LYZL2: variants seen among roughly 807,000 people sequenced by gnomAD.
LYZL2 encodes lysozyme like 2.
Under a neutral mutation model 17.1 loss-of-function variants are expected in LYZL2, and 13 were observed. The ratio of observed to expected loss-of-function variants is 0.76; its 90% CI spans 0.49 to 1.21. The LOEUF (loss-of-function observed/expected upper bound fraction) is 1.21. Among genes scored for constraint, LYZL2 ranks in the 50% most tolerant of loss-of-function variants. The pLI is 0.00. For synonymous variants in LYZL2, 63 were observed against 74.4 expected (o/e 0.85, Z 0.79); for missense variants, 166 against 189.2 (o/e 0.88, Z 0.72).
In LYZL2 at chr10:30,626,939, A is replaced by G. The variant is rs1435772553; in HGVS notation, c.-24T>C. On this transcript the variant is annotated splice_region_variant and 5_prime_UTR_variant, in exon 2 of 5. Coordinates refer to ENST00000647634, the MANE Select transcript of LYZL2 (RefSeq NM_183058.3). ...ATCCTCAAAGCCTGCCGGAGACAGA[A>G]CCTGCCAAAGAGCCGGAGAACAGGT... The G allele has an allele frequency of 1.2e-6, 2 of 1,612,636 alleles. No homozygotes were observed. Among genetic ancestry groups the G allele is most frequent in the African/African-American group, 1.3e-5 (1 of 74,934 alleles).
chr10:30,620,629 G>A lies in LYZL2; in HGVS notation c.298+5476C>T, dbSNP rs190333311. 3.0e-3 allele frequency among the ~76,000 whole-genome samples: 456 copies of A among 152,284 alleles called. 2 individuals are homozygous for A. Among genetic ancestry groups the A allele is most frequent in the African/African-American group, 0.01 (428 of 41,538 alleles). On this transcript the variant is annotated intron_variant, in intron 3 of 4. Coordinates refer to ENST00000647634, the MANE Select transcript of LYZL2 (RefSeq NM_183058.3). Reference sequence around the variant, plus strand: ...AAAAATTATTCCATGCGCAGAGGCAGAGAAATGTGACACATACTAAGAAAA... The same window carrying A: ...AAAAATTATTCCATGCGCAGAGGCAAAGAAATGTGACACATACTAAGAAAA...
At chr10:30,619,934 AC>A (rs1838593953) in intron 3 of LYZL2, among the ~76,000 whole-genome samples, 1 of 152,238 alleles carries the variant, frequency 6.6e-6, no homozygotes, top group South Asian at 2.1e-4. Context: ...GGAAAAATTC[AC>A]AAAAATCTGC....
chr10:30,626,370 C>A, intron 2 of LYZL2, 107 bp from the exon 3 acceptor site: 2 of 1,523,578 alleles, frequency 1.3e-6, no homozygotes, highest in South Asian at 1.3e-5. Context: ...TGCTTCCTCC[C>A]AATACACCTT....
At chr10:30,611,564 AAG>A (rs1564405825), downstream of LYZL2, among the ~76,000 whole-genome samples, 419 of 89,356 alleles carry the variant, frequency 4.7e-3, no homozygotes, top group East Asian at 0.026. Flanking sequence ...GGAAGGAAGG[AAG>A]GAAGGAAAGA....
intron 3 of LYZL2, among the ~76,000 whole-genome samples, chr10:30,624,407 C>T (rs973821864): frequency 4.6e-5 from 7 of 152,206 alleles, no homozygotes; most frequent in Non-Finnish European, 1.0e-4. Flanking sequence ...AGGCAGTCCT[C>T]TCCCGGCAGA....
In LYZL2 at chr10:30,629,620, G is replaced by T. The variant is rs201069868; in HGVS notation, c.-53C>A. 2 of 1,410,516 alleles carry T rather than the reference G, an allele frequency of 1.4e-6. No individual in the cohort carries two copies. The highest frequency in any genetic ancestry group is 1.9e-4 in the Middle Eastern group (1 of 5,396). The allele number at this position is 1,410,516 out of a possible 1,614,324, so 87.4% of individuals were successfully genotyped here. On this transcript the variant is annotated 5_prime_UTR_variant, in exon 1 of 5. Coordinates refer to ENST00000647634, the MANE Select transcript of LYZL2 (RefSeq NM_183058.3). ...AAAAGGCAGATTCCTGGTGCCTGCC[G>T]CAGAGGCTGACTTCTCAGTTGAGTC... is the stretch of plus-strand genomic sequence containing the variant.
downstream of LYZL2, among the ~76,000 whole-genome samples, chr10:30,608,182 A>G (rs1420503015): frequency 4.6e-5 from 7 of 152,168 alleles, no homozygotes; most frequent in African/African-American, 9.7e-5. Context: ...GGCTCAAGCA[A>G]TCTTCCAGAC....
At chr10:30,621,944 A>G (rs1017309947) in intron 3 of LYZL2, among the ~76,000 whole-genome samples, 1 of 152,322 alleles carries the variant, frequency 6.6e-6, no homozygotes, top group African/African-American at 2.4e-5. Flanking sequence ...GTACACAAAT[A>G]TAGAAGAAAA....
intron 3 of LYZL2, among the ~76,000 whole-genome samples, chr10:30,618,034 GACAA>G (rs1481371310): frequency 2.6e-5 from 4 of 151,510 alleles, no homozygotes; most frequent in African/African-American, 9.7e-5. Flanking sequence ...ACCAATAACA[GACAA>G]ACAGAGAGCC....
intron 3 of LYZL2, among the ~76,000 whole-genome samples, chr10:30,614,358 T>C (rs112115856): frequency 0.11 from 17,288 of 152,264 alleles, 1,059 homozygotes; most frequent in South Asian, 0.18. Context: ...GAGTGAGCAC[T>C]GCCCATCAGA....
At chr10:30,628,445 C>T (rs1229830252) in intron 1 of LYZL2, among the ~76,000 whole-genome samples, 2 of 152,116 alleles carry the variant, frequency 1.3e-5, no homozygotes, top group Admixed American at 6.6e-5. Context: ...TAAAGAGGCC[C>T]CCATAGAATC....
In LYZL2 at chr10:30,626,794, C is replaced by G. The variant is rs150609822; in HGVS notation, c.122G>C (p.Gly41Ala). The change falls in exon 2 of 5, where the codon GGC (glycine) becomes GCC (alanine). Residue 41 changes from glycine (G) to alanine (A), a missense_variant. Physicochemically the swap from Gly to Ala is moderately conservative, Grantham distance 60 (BLOSUM62 0). This residue lies in a region of LYZL2 where 32 missense variants were observed against 59.8 expected (regional missense o/e 0.53). Transcript: ENST00000647634. ...FSRAGLDNYW[G>A]FSLGNWICMA... The stretch of plus-strand genomic sequence containing the variant: ...AATCTCACAGTTTCCAAGGCTGAAG[C>G]CCCAGTAATTGTCCAGGCCAGCCCT... The G allele has an allele frequency of 5.6e-6, 9 of 1,614,128 alleles. No individual in the cohort carries two copies. In the African/African-American group the frequency reaches 6.7e-5, roughly 12 times the overall value.
chr10:30,615,354 A>G (rs1399999575), intron 3 of LYZL2, among the ~76,000 whole-genome samples: 1 of 152,222 alleles, frequency 6.6e-6, no homozygotes, highest in Non-Finnish European at 1.5e-5. Flanking sequence ...AAAAGCAGAG[A>G]GTAGAGCGGT....
downstream of LYZL2, among the ~76,000 whole-genome samples, chr10:30,609,960 C>G (rs541785515): frequency 7.2e-5 from 11 of 152,262 alleles, no homozygotes; most frequent in African/African-American, 2.6e-4. Context: ...AATGGTAGCA[C>G]ACCCAGTGCC....
At chr10:30,611,570 G>GGAAGGAAGGAAGGAAGGAAGGAAGGAAA (rs1491344870), downstream of LYZL2, among the ~76,000 whole-genome samples, 5 of 54,122 alleles carry the variant, frequency 9.2e-5, no homozygotes, top group Non-Finnish European at 1.4e-4. Context: ...AAGGAAGGAA[G>GGAAGGAAGGAAGGAAGGAAGGAAGGAAA]GAAAGAAAGA....
intron 3 of LYZL2, among the ~76,000 whole-genome samples, chr10:30,622,836 A>G (rs921824707): frequency 2.6e-5 from 4 of 152,176 alleles, no homozygotes; most frequent in African/African-American, 9.7e-5. Context: ...TGTTTTAATC[A>G]CTCCTACTGA....
intron 1 of LYZL2, among the ~76,000 whole-genome samples, chr10:30,627,632 C>T (rs774787974): frequency 2.6e-5 from 4 of 152,122 alleles, no homozygotes; most frequent in South Asian, 2.1e-4. Context: ...AGACATAGAA[C>T]GTACAAAATA....
chr10:30,612,967 T>G (rs1228212130), intron 3 of LYZL2, 67 bp from the exon 4 acceptor site: 1 of 1,224,424 alleles, frequency 8.2e-7, no homozygotes, highest in South Asian at 1.3e-5. Context: ...CAACTCAAGT[T>G]TACTTCATTT....
At chr10:30,614,445 G>A (rs1327893259) in intron 3 of LYZL2, among the ~76,000 whole-genome samples, 3 of 152,206 alleles carry the variant, frequency 2.0e-5, no homozygotes, top group Admixed American at 6.5e-5. Context: ...CACCCCGGAA[G>A]GGAGCAACCT....
Sources: allele counts gnomAD v4.1 joint callset (sites outside exome capture counted in the v4.1 genomes callset), GRCh38; gene constraint gnomAD v4.1.1; regional missense constraint gnomAD v4.1.1; transcripts MANE v1.5; gene names NCBI Gene and HGNC (gene_info 2026-07-23, HGNC 2026-07-21).